Variants in ZBTB20 observed in about 807,000 individuals in gnomAD.
The protein encoded by ZBTB20 is zinc finger and BTB domain containing 20.
Under a neutral mutation model 56.9 loss-of-function variants are expected in ZBTB20, and 9 were observed. The observed-to-expected ratio is 0.16, with a 90% CI of 0.10 to 0.28. ZBTB20 has a LOEUF of 0.28. ZBTB20 is among the 10% of genes least tolerant of loss of function. The pLI, the probability that ZBTB20 is intolerant of heterozygous loss-of-function variation, is 1.00. For missense variants in ZBTB20, 655 were observed against 1,003.0 expected (o/e 0.65, Z 4.69); for synonymous variants, 417 against 420.7 (o/e 0.99, Z 0.11).
chr3:115,047,714 G>C (rs949644447), intron 2 of ZBTB20, among the ~76,000 whole-genome samples: 6 of 152,080 alleles, frequency 3.9e-5, no homozygotes, highest in African/African-American at 1.4e-4. Context: ...CCTGTTAAAT[G>C]CCTGTTGGTT....
chr3:114,745,463 G>A (rs564070045), intron 5 of ZBTB20, among the ~76,000 whole-genome samples: 76 of 152,286 alleles, frequency 5.0e-4, no homozygotes, highest in Admixed American at 8.5e-4. Flanking sequence ...AGAAAGCAGA[G>A]GCCAGGATAA....
In ZBTB20 at chr3:114,945,484, G is replaced by A. The variant is rs1340589965; in HGVS notation, c.-456+28882C>T. On this transcript the variant is annotated intron_variant, in intron 3 of 11. Transcript: ENST00000675478. ...AGAGGGACAAATATAATTATTCATT[G>A]AAAAGAGATAAAAGGTGTAAGTTAC... Among the ~76,000 whole-genome samples, 6 of 145,130 alleles carry A rather than the reference G, an allele frequency of 4.1e-5. 1 individual carries two copies. The highest frequency in any genetic ancestry group is 1.7e-4 in the African/African-American group (6 of 35,704).
intron 5 of ZBTB20, among the ~76,000 whole-genome samples, chr3:114,694,178 G>C (rs1253872201): frequency 6.6e-6 from 1 of 151,992 alleles, no homozygotes; most frequent in African/African-American, 2.4e-5. Context: ...AAGACAAATG[G>C]AACGAGTGAA....
At chr3:115,088,845 T>C (rs976121306) in intron 1 of ZBTB20, among the ~76,000 whole-genome samples, 2 of 151,862 alleles carry the variant, frequency 1.3e-5, no homozygotes, top group African/African-American at 4.8e-5. Flanking sequence ...TAACAATGGA[T>C]ATGCCATGAA....
chr3:114,462,634 C>G (rs2092383043), intron 7 of ZBTB20, among the ~76,000 whole-genome samples: 1 of 152,068 alleles, frequency 6.6e-6, no homozygotes, highest in Non-Finnish European at 1.5e-5. Flanking sequence ...ATATGTATAT[C>G]CTGGTAGGTG....
intron 4 of ZBTB20, among the ~76,000 whole-genome samples, chr3:114,880,238 A>G (rs912374323): frequency 1.3e-5 from 2 of 152,228 alleles, no homozygotes; most frequent in Middle Eastern, 3.2e-3. Context: ...AACTGTGCCA[A>G]GTTAGCACGC....
intron 6 of ZBTB20, among the ~76,000 whole-genome samples, chr3:114,515,617 C>A (rs1055574895): frequency 6.6e-6 from 1 of 152,214 alleles, no homozygotes; most frequent in African/African-American, 2.4e-5. Context: ...CCTTCACTCT[C>A]AGCTAGTAAC....
chr3:114,826,544 A>G (rs1207251606), intron 4 of ZBTB20, among the ~76,000 whole-genome samples: 2 of 151,828 alleles, frequency 1.3e-5, no homozygotes, highest in East Asian at 3.9e-4. Context: ...ATAAAAACAG[A>G]AACAATTTTG....
At chr3:114,463,452 C>CATG (rs1329464311) in intron 7 of ZBTB20, among the ~76,000 whole-genome samples, 1 of 152,100 alleles carries the variant, frequency 6.6e-6, no homozygotes, top group Non-Finnish European at 1.5e-5. Context: ...CTATTTTGAT[C>CATG]ATGATTAGTT....
chr3:115,119,000 A>G (rs2084104088), intron 1 of ZBTB20, among the ~76,000 whole-genome samples: 1 of 152,156 alleles, frequency 6.6e-6, no homozygotes, highest in Non-Finnish European at 1.5e-5. Context: ...TTTCCTCAGT[A>G]TAATTTATTT....
intron 6 of ZBTB20, among the ~76,000 whole-genome samples, chr3:114,576,145 A>T (rs1218113780): frequency 6.6e-6 from 1 of 152,168 alleles, no homozygotes; most frequent in Non-Finnish European, 1.5e-5. Flanking sequence ...ATCCAAAATA[A>T]GTAACCCTGT....
chr3:114,560,685 TACCA>T (rs1160170083), intron 6 of ZBTB20, among the ~76,000 whole-genome samples: 6 of 152,232 alleles, frequency 3.9e-5, no homozygotes, highest in Non-Finnish European at 8.8e-5. Flanking sequence ...CTTTCAAGAT[TACCA>T]TCTGAGTGGT....
chr3:114,778,744 T>A (rs926963391), intron 5 of ZBTB20, among the ~76,000 whole-genome samples: 1 of 152,202 alleles, frequency 6.6e-6, no homozygotes, highest in South Asian at 2.1e-4. Flanking sequence ...AGAATCCTTC[T>A]TTTGGAGAAA....
chr3:114,631,033 T>C (rs1186494171), intron 6 of ZBTB20, among the ~76,000 whole-genome samples: 14 of 152,166 alleles, frequency 9.2e-5, no homozygotes, highest in Admixed American at 9.2e-4. Flanking sequence ...ATACCTATAA[T>C]AGAATATTTT....
chr3:115,068,081 A>AG (rs2082272679), intron 2 of ZBTB20, among the ~76,000 whole-genome samples: 2 of 152,084 alleles, frequency 1.3e-5, no homozygotes, highest in Admixed American at 1.3e-4. Context: ...GTTGACTGAC[A>AG]GGTATGTCAT....
At chr3:114,394,787 G>A (rs903891991) in intron 7 of ZBTB20, among the ~76,000 whole-genome samples, 1 of 152,140 alleles carries the variant, frequency 6.6e-6, no homozygotes, top group Non-Finnish European at 1.5e-5. Context: ...ACAGCCAGCC[G>A]ACTGGCTTCT....
chr3:114,613,868 A>C (rs1189005495), intron 6 of ZBTB20, among the ~76,000 whole-genome samples: 2 of 152,156 alleles, frequency 1.3e-5, no homozygotes, highest in African/African-American at 4.8e-5. Flanking sequence ...GGTAATGATG[A>C]TAACAGCAGC....
intron 3 of ZBTB20, among the ~76,000 whole-genome samples, chr3:114,951,060 T>C (rs1453217902): frequency 2.0e-5 from 3 of 152,150 alleles, no homozygotes; most frequent in Non-Finnish European, 4.4e-5. Flanking sequence ...AAGGGATCTT[T>C]GTGGTCTGCT....
At chr3:114,478,052 C>T (rs2041064485) in intron 7 of ZBTB20, among the ~76,000 whole-genome samples, 1 of 149,680 alleles carries the variant, frequency 6.7e-6, no homozygotes, top group Non-Finnish European at 1.5e-5. Context: ...GCGATCTTGG[C>T]TCACCGCAAC....
Sources: allele counts gnomAD v4.1 joint callset (sites outside exome capture counted in the v4.1 genomes callset), GRCh38; gene constraint gnomAD v4.1.1; transcripts MANE v1.5; gene names NCBI Gene and HGNC (gene_info 2026-07-23, HGNC 2026-07-21).